KIF5B: variants seen among roughly 807,000 people sequenced by gnomAD.
The protein encoded by KIF5B is kinesin family member 5B.
In KIF5B, 49 loss-of-function variants were observed where a neutral mutation model predicts 132.8. The ratio of observed to expected loss-of-function variants is 0.37; its 90% CI spans 0.29 to 0.47. The LOEUF (loss-of-function observed/expected upper bound fraction) is 0.47. Ranked by LOEUF, KIF5B falls within the 20% of genes least tolerant of loss-of-function variation. The pLI is 1.00. For missense variants in KIF5B, 780 were observed against 1,144.0 expected, an observed-to-expected ratio of 0.68 and a Z score of 4.59; for synonymous variants, 355 against 369.4, an observed-to-expected ratio of 0.96 and a Z score of 0.45.
At chr10:32,025,878 C>T (rs1459232882) in intron 15 of KIF5B, among the ~76,000 whole-genome samples, 2 of 152,188 alleles carry the variant, frequency 1.3e-5, no homozygotes, top group African/African-American at 2.4e-5. Flanking sequence ...GAAAGGGCTA[C>T]ATATACATAC....
chr10:32,044,073 A>C (rs1841577553), intron 2 of KIF5B, among the ~76,000 whole-genome samples: 1 of 152,162 alleles, frequency 6.6e-6, no homozygotes, highest in Non-Finnish European at 1.5e-5. Flanking sequence ...TTTCTCCTTA[A>C]ATATGTGTAT....
chr10:32,019,320 T>C (rs959515809), intron 20 of KIF5B, among the ~76,000 whole-genome samples: 2 of 152,226 alleles, frequency 1.3e-5, no homozygotes, highest in African/African-American at 4.8e-5. Context: ...ACAATATCAG[T>C]TGATTTGCAA....
chr10:32,014,877 CT>C (rs1841137127), intron 25 of KIF5B, among the ~76,000 whole-genome samples: 1 of 152,160 alleles, frequency 6.6e-6, no homozygotes, highest in African/African-American at 2.4e-5. Context: ...AATTCCAGCA[CT>C]TTGGGAGGCC....
intron 11 of KIF5B, 46 bp downstream of exon 11, chr10:32,034,644 A>T (rs374476958): frequency 7.9e-5 from 113 of 1,431,536 alleles, no homozygotes; most frequent in Non-Finnish European, 1.0e-4. Context: ...CTATGCTCTA[A>T]ATCTGTATTT....
intron 14 of KIF5B, among the ~76,000 whole-genome samples, chr10:32,029,232 C>T (rs1280751041): frequency 6.6e-6 from 1 of 152,138 alleles, no homozygotes; most frequent in Admixed American, 6.5e-5. Flanking sequence ...ATCCCCACTC[C>T]GAAGTGCTCG....
At chr10:32,034,112 T>A (rs1037139758) in intron 11 of KIF5B, 74 bp from the exon 12 acceptor site, 158 of 160,948 alleles carry the variant, frequency 9.8e-4, no homozygotes, top group Middle Eastern at 8.9e-3. Flanking sequence ...CCTTTAAAAA[T>A]TTTTTTTTTT....
At chr10:32,040,316 T>C (rs758595426) in intron 3 of KIF5B, 68 bp downstream of exon 3, 16 of 926,380 alleles carry the variant, frequency 1.7e-5, no homozygotes, top group Non-Finnish European at 2.5e-5. Flanking sequence ...CATGGTGAAA[T>C]AATATCACAA....
intron 25 of KIF5B, among the ~76,000 whole-genome samples, chr10:32,012,777 A>G (rs1378713310): frequency 6.6e-6 from 1 of 152,200 alleles, no homozygotes; most frequent in African/African-American, 2.4e-5. Flanking sequence ...ACAATATCCA[A>G]AAAGGATAAA....
At chr10:32,043,289 C>T (rs1841565510) in intron 2 of KIF5B, among the ~76,000 whole-genome samples, 1 of 152,184 alleles carries the variant, frequency 6.6e-6, no homozygotes, top group South Asian at 2.1e-4. Context: ...AGGCGTGAGC[C>T]ACTGCGCCCA....
At chr10:32,044,723 A>G (rs1841587453) in intron 2 of KIF5B, among the ~76,000 whole-genome samples, 1 of 152,166 alleles carries the variant, frequency 6.6e-6, no homozygotes, top group Non-Finnish European at 1.5e-5. Flanking sequence ...CACAATTAGC[A>G]GCTGATACCT....
intron 19 of KIF5B, among the ~76,000 whole-genome samples, chr10:32,020,587 A>G (rs1165096108): frequency 2.0e-5 from 3 of 152,102 alleles, no homozygotes; most frequent in Non-Finnish European, 4.4e-5. Flanking sequence ...AGCTCAGCTA[A>G]TTTAAAAAAT....
chr10:32,018,707 C>A (rs1382523509), intron 20 of KIF5B, 145 bp from the exon 21 acceptor site: 2 of 655,254 alleles, frequency 3.1e-6, no homozygotes, highest in African/African-American at 1.9e-5. Context: ...AACAATTTAC[C>A]TGTGCTGTCT....
chr10:32,016,022 TAGTCCCAGCTACTTGGA>T (rs1490281727), intron 24 of KIF5B, among the ~76,000 whole-genome samples: 3 of 151,958 alleles, frequency 2.0e-5, no homozygotes, highest in Non-Finnish European at 4.4e-5. Context: ...CGTGCACCTG[TAGTCCCAGCTACTTGGA>T]AGGCTGAGGT....
intron 1 of KIF5B, among the ~76,000 whole-genome samples, chr10:32,052,200 G>A (rs528855616): frequency 2.0e-5 from 3 of 152,228 alleles, no homozygotes; most frequent in African/African-American, 4.8e-5. Flanking sequence ...TCTGAATAGC[G>A]GATCATTTCA....
chr10:32,038,067 A>AAG, intron 6 of KIF5B, 96 bp downstream of exon 6: 3 of 660,520 alleles, frequency 4.5e-6, no homozygotes, highest in Non-Finnish European at 7.8e-6. Flanking sequence ...CCGAGATTGC[A>AAG]CCACTGCACT....
chr10:32,052,233 T>G (rs912450291), intron 1 of KIF5B, among the ~76,000 whole-genome samples: 6 of 152,198 alleles, frequency 3.9e-5, no homozygotes, highest in African/African-American at 1.4e-4. Context: ...GTGTATTATA[T>G]TAGATTTTCC....
rs766028681 is a variant in KIF5B, at chr10:32,017,411, A to G, written c.2545-52T>C. 4.4e-6 allele frequency: 6 copies of G among 1,372,916 alleles called. No individual in the cohort carries two copies. In the African/African-American group the frequency reaches 8.7e-5, roughly 20 times the overall value. 85.0% of individuals were successfully genotyped at this position (1,372,916 alleles called of 1,614,324 possible). On this transcript the variant is annotated intron_variant, in intron 23 of 25. Coordinates refer to ENST00000302418, the MANE Select transcript of KIF5B (RefSeq NM_004521.3). ...TTCCAGATTTAACAGGATGACTTGA[A>G]AAAGTATGAGCATTTCATAATTGCT...
intron 12 of KIF5B, among the ~76,000 whole-genome samples, chr10:32,033,635 GAT>G (rs1841427566): frequency 6.6e-6 from 1 of 152,150 alleles, no homozygotes; most frequent in South Asian, 2.1e-4. Flanking sequence ...GGGAAGAAAA[GAT>G]ACATGCTCAT....
chr10:32,041,908 A>C (rs1841545057), intron 2 of KIF5B, among the ~76,000 whole-genome samples: 1 of 152,146 alleles, frequency 6.6e-6, no homozygotes, highest in Non-Finnish European at 1.5e-5. Context: ...TTACAGGCCT[A>C]AGTAAGCCCC....
Sources: gnomAD v4.1 joint callset for allele counts (sites outside exome capture counted in the v4.1 genomes callset) on GRCh38, gnomAD v4.1.1 for gene constraint, MANE v1.5 for transcripts, NCBI Gene and HGNC (gene_info 2026-07-23, HGNC 2026-07-21) for gene names.